NHSL2: variants seen among roughly 807,000 people sequenced by gnomAD.
NHSL2 encodes NHS-like protein 2.
In NHSL2, 27 loss-of-function variants were observed where a neutral mutation model predicts 53.4. The ratio of observed to expected loss-of-function variants is 0.51; its 90% CI spans 0.37 to 0.70. The LOEUF is 0.70. NHSL2 is among the 30% of genes least tolerant of loss of function. The pLI is 0.00. For synonymous variants in NHSL2, 408 were observed against 404.1 expected (o/e 1.01, Z -0.12); for missense variants, 892 against 980.1 (o/e 0.91, Z 1.20).
intron 1 of NHSL2, among the ~76,000 whole-genome samples, chrX:72,015,128 T>C (rs2042130465): frequency 9.0e-6 from 1 of 111,401 alleles, no homozygotes; most frequent in African/African-American, 3.3e-5. Flanking sequence ...CTCTGGGATA[T>C]ATGAGGCAAA....
At chrX:72,080,394 G>A (rs2041780145) in intron 1 of NHSL2, 1 of 111,701 alleles carries the variant, frequency 9.0e-6, no homozygotes, top group Non-Finnish European at 1.9e-5. Context: ...GCTTTGGGAG[G>A]GAGTGGGACT....
chrX:71,961,552 A>G (rs1054205952), intron 1 of NHSL2, among the ~76,000 whole-genome samples: 2 of 110,850 alleles, frequency 1.8e-5, no homozygotes, highest in African/African-American at 6.6e-5. Context: ...AAGTGTCAAG[A>G]GAGGGCATCC....
At chrX:72,082,117 TC>T (rs1659646631) in intron 1 of NHSL2, among the ~76,000 whole-genome samples, 1 of 111,910 alleles carries the variant, frequency 8.9e-6, no homozygotes, top group African/African-American at 3.3e-5. Context: ...CTTGAAAGAC[TC>T]CTCATTAACC....
At chrX:72,060,182 C>T (rs1348564097) in intron 1 of NHSL2, among the ~76,000 whole-genome samples, 1 of 112,170 alleles carries the variant, frequency 8.9e-6, no homozygotes, top group African/African-American at 3.2e-5. Flanking sequence ...CTCTGAGCTT[C>T]AGTTTCCTAA....
At chrX:72,069,524 ATTT>A in intron 1 of NHSL2, 1 of 328,321 alleles carries the variant, frequency 3.0e-6, no homozygotes, top group Non-Finnish European at 5.0e-6. Context: ...CACAAGTGGG[ATTT>A]GGAAGAGCCA....
intron 1 of NHSL2, among the ~76,000 whole-genome samples, chrX:71,986,516 G>A (rs6625932): frequency 0.054 from 6,001 of 111,633 alleles, 196 homozygotes; most frequent in East Asian, 0.27. Context: ...CAAAGTCATA[G>A]ACAAAAACCT....
chrX:72,121,012 A>G (rs1602384549), intron 1 of NHSL2, among the ~76,000 whole-genome samples: 1 of 112,680 alleles, frequency 8.9e-6, no homozygotes, highest in East Asian at 2.8e-4. Context: ...GGCATTGTGG[A>G]TACGCCTGGG....
intron 1 of NHSL2, among the ~76,000 whole-genome samples, chrX:72,062,360 T>G (rs1385905113): frequency 8.9e-6 from 1 of 112,501 alleles, no homozygotes; most frequent in Non-Finnish European, 1.9e-5. Context: ...ATAAAACTGA[T>G]TAGCACAGTA....
chrX:71,989,356 A>AAG (rs1443997086), intron 1 of NHSL2, among the ~76,000 whole-genome samples: 1 of 109,519 alleles, frequency 9.1e-6, no homozygotes, highest in Non-Finnish European at 1.9e-5. Context: ...CTCAAAAAAA[A>AAG]AAAAAAAAAA....
intron 1 of NHSL2, among the ~76,000 whole-genome samples, chrX:72,026,634 T>C (rs1297724592): frequency 8.9e-6 from 1 of 112,511 alleles, no homozygotes; most frequent in African/African-American, 3.2e-5. Flanking sequence ...ATGGGAAATA[T>C]GGAGGTGAGG....
chrX:72,143,516 G>A lies in NHSL2; in HGVS notation c.3620G>A (p.Arg1207Gln), dbSNP rs1228660811. The A allele has an allele frequency of 1.2e-5, 14 of 1,164,843 alleles. No homozygotes were observed. Among genetic ancestry groups the A allele is most frequent in the South Asian group, 7.6e-5 (4 of 52,442 alleles). ...CTGAAGACCACTAACCCACTGGCTC[G>A]GAGAATTATTGCACAATTTTCAAAA... The part of the protein sequence containing the change: ...ELLKTTNPLA[R>Q]RIIAQFSKDY... Residue 1207 changes from arginine (R) to glutamine (Q), a missense_variant, in exon 8 of 8, where the codon CGG (arginine) becomes CAG (glutamine). Transcript: ENST00000633930.
chrX:72,099,225 C>T (rs768755903), intron 1 of NHSL2, among the ~76,000 whole-genome samples: 1 of 112,167 alleles, frequency 8.9e-6, no homozygotes, highest in Non-Finnish European at 1.9e-5. Flanking sequence ...TTAGTAGCTA[C>T]ATTCCCCTCC....
In NHSL2 at chrX:72,042,774, C is replaced by A. The variant is rs143129327; in HGVS notation, c.281-89305C>A. Among the ~76,000 whole-genome samples, 421 of 106,003 alleles carry A rather than the reference C, an allele frequency of 4.0e-3. 2 individuals are homozygous for A. The highest frequency in any genetic ancestry group is 0.011 in the Admixed American group (107 of 9,881). 92.1% of individuals were successfully genotyped at this position (106,003 alleles called of 115,157 possible). On this transcript the variant is annotated intron_variant, in intron 1 of 7. Coordinates refer to ENST00000633930, the MANE Select transcript of NHSL2 (RefSeq NM_001013627.3). ...TGAGCCAAAAAAAAAAAAAAAGGAGCTGCAAGGACTTTGTAGAGTAAGCAA... is the reference window on the plus strand; with the variant it reads ...TGAGCCAAAAAAAAAAAAAAAGGAGATGCAAGGACTTTGTAGAGTAAGCAA...
intron 1 of NHSL2, among the ~76,000 whole-genome samples, chrX:72,002,523 C>T (rs189372140): frequency 1.3e-3 from 142 of 111,848 alleles, no homozygotes; most frequent in African/African-American, 4.3e-3. Flanking sequence ...ACCATGTACC[C>T]GACTCAGTGT....
rs201710005 is a variant in NHSL2 at position 71,963,962 on chromosome X, CATATATATAT to C, written c.280+52597_280+52606del. On this transcript the variant is annotated intron_variant, in intron 1 of 7. Transcript: ENST00000633930. The stretch of plus-strand genomic sequence containing the variant: ...AAGGTGGAGTGGCTATATATATACA[CATATATATAT>C]ACATATATATATATATATATGTATA... Among the ~76,000 whole-genome samples the C allele has an allele frequency of 2.1e-4, 10 of 48,681 alleles. 1 individual carries two copies. Among genetic ancestry groups the C allele is most frequent in the African/African-American group, 8.0e-4 (9 of 11,260 alleles). The allele number at this position is 48,681 out of a possible 115,157, so 42.3% of individuals were successfully genotyped here.
At chrX:71,944,775 G>A (rs1226732140) in intron 1 of NHSL2, among the ~76,000 whole-genome samples, 3 of 112,008 alleles carry the variant, frequency 2.7e-5, no homozygotes, top group Non-Finnish European at 5.6e-5. Context: ...TCTAGAAGAG[G>A]AAATTTCCAA....
intron 1 of NHSL2, among the ~76,000 whole-genome samples, chrX:71,925,670 T>C (rs1158427817): frequency 2.7e-5 from 3 of 111,985 alleles, no homozygotes; most frequent in African/African-American, 9.8e-5. Flanking sequence ...CAAAAACCCA[T>C]GTTTTTATTG....
Position 72,012,334 on chromosome X carries a change from AGTAACT to A in NHSL2, c.280+100972_280+100977del, listed in dbSNP as rs753726265. Among the ~76,000 whole-genome samples the A allele has an allele frequency of 1.7e-4, 19 of 112,065 alleles. 1 individual carries two copies. Among genetic ancestry groups the A allele is most frequent in the Middle Eastern group, 9.3e-3 (2 of 214 alleles). ...ATCATTTCCTGAGGCTGCCGTAACA[AGTAACT>A]GTAAACTTGGTAGCTTTAAACAACA... On this transcript the variant is annotated intron_variant, in intron 1 of 7. Coordinates refer to ENST00000633930, the MANE Select transcript of NHSL2 (RefSeq NM_001013627.3).
At chrX:72,068,679 A>C (rs200019594) in intron 1 of NHSL2, among the ~76,000 whole-genome samples, 1 of 14,700 alleles carries the variant, frequency 6.8e-5, no homozygotes, top group Non-Finnish European at 2.1e-4. Flanking sequence ...TGTGTGTGAG[A>C]GAGAGAGAGA....
Sources: allele counts gnomAD v4.1 joint callset (sites outside exome capture counted in the v4.1 genomes callset), GRCh38; gene constraint gnomAD v4.1.1; transcripts MANE v1.5; gene names NCBI Gene and HGNC (gene_info 2026-07-23, HGNC 2026-07-21).